PPARGC1B: variants seen among roughly 807,000 people sequenced by gnomAD.
PPARGC1B encodes PPARG coactivator 1 beta.
In PPARGC1B, 34 loss-of-function variants were observed where a neutral mutation model predicts 101.6. The observed-to-expected ratio is 0.33, with a 90% confidence interval of 0.25 to 0.45. The LOEUF (loss-of-function observed/expected upper bound fraction) is 0.45, where lower values mean the gene tolerates loss of function less well. PPARGC1B is among the 20% of genes least tolerant of loss of function. The probability of loss-of-function intolerance (pLI) is 1.00; values close to 1 mark genes in which losing one functional copy is unlikely to be tolerated. For synonymous variants in PPARGC1B, 548 were observed against 539.3 expected, an observed-to-expected ratio of 1.02 and a Z score of -0.22; for missense variants, 1,234 against 1,317.6, an observed-to-expected ratio of 0.94 and a Z score of 0.98.
intron 1 of PPARGC1B, among the ~76,000 whole-genome samples, chr5:149,753,342 G>A (rs1398818103): frequency 6.6e-6 from 1 of 151,982 alleles, no homozygotes; most frequent in Non-Finnish European, 1.5e-5. Flanking sequence ...GAGTAGCTGT[G>A]ATTACAGGCA....
At chr5:149,738,474 G>A (rs751139868) in intron 1 of PPARGC1B, among the ~76,000 whole-genome samples, 8 of 152,192 alleles carry the variant, frequency 5.3e-5, no homozygotes, top group Non-Finnish European at 1.2e-4. Flanking sequence ...GTGTTCCTGA[G>A]AAGGGATGGA....
chr5:149,745,613 C>T (rs148568147), intron 1 of PPARGC1B, among the ~76,000 whole-genome samples: 10 of 152,116 alleles, frequency 6.6e-5, no homozygotes, highest in African/African-American at 9.7e-5. Context: ...GGGAACAGAT[C>T]GAAAGCCTCT....
In PPARGC1B at chr5:149,739,891, AG is replaced by A. The variant is rs1487484802; in HGVS notation, c.78+9473del. 2.6e-5 allele frequency: 4 copies of A among 152,456 alleles called. No individual in the cohort carries two copies. The East Asian group carries it at 7.7e-4, about 29-fold the overall frequency. 9.4% of individuals were successfully genotyped at this position (152,456 alleles called of 1,614,324 possible). ...GCAGCTGGGTTCACAGAGCTCAGAG[AG>A]GAGGGGCCTGGCCTGAGGTCACCCA... On this transcript the variant is annotated intron_variant, in intron 1 of 11. Transcript: ENST00000309241.
chr5:149,775,300 C>T (rs1380367454), intron 1 of PPARGC1B, among the ~76,000 whole-genome samples: 1 of 152,170 alleles, frequency 6.6e-6, no homozygotes, highest in Non-Finnish European at 1.5e-5. Context: ...AGGTTCTTGT[C>T]CCCACTATCA....
At chr5:149,734,638 G>T (rs1365916538) in intron 1 of PPARGC1B, among the ~76,000 whole-genome samples, 2 of 152,040 alleles carry the variant, frequency 1.3e-5, no homozygotes, top group Non-Finnish European at 2.9e-5. Context: ...TAAGTTCCTA[G>T]AAGTGAAATT....
At chr5:149,732,912 T>G (rs987882110) in intron 1 of PPARGC1B, 1 of 421,608 alleles carries the variant, frequency 2.4e-6, no homozygotes, top group African/African-American at 2.1e-5. Flanking sequence ...CCTTCCCCAC[T>G]CTCTGGCTGG....
intron 1 of PPARGC1B, among the ~76,000 whole-genome samples, chr5:149,755,110 T>A (rs1040530255): frequency 6.7e-6 from 1 of 149,532 alleles, no homozygotes. Context: ...GGTTTCATTA[T>A]GTTGGGCAGG....
intron 8 of PPARGC1B, among the ~76,000 whole-genome samples, chr5:149,838,419 GC>G (rs1759198385): frequency 6.6e-6 from 1 of 151,374 alleles, no homozygotes; most frequent in Admixed American, 6.7e-5. Flanking sequence ...ACTTCGCTGA[GC>G]CTCTCTTTCT....
intron 1 of PPARGC1B, among the ~76,000 whole-genome samples, chr5:149,780,730 A>G (rs776755597): frequency 6.6e-6 from 1 of 152,262 alleles, no homozygotes; most frequent in Non-Finnish European, 1.5e-5. Flanking sequence ...CCAAACAGAT[A>G]TGCTCTCAGA....
intron 1 of PPARGC1B, among the ~76,000 whole-genome samples, chr5:149,773,477 G>C (rs1055985439): frequency 6.6e-6 from 1 of 152,238 alleles, no homozygotes; most frequent in East Asian, 1.9e-4. Context: ...GCAAGGCAGC[G>C]TCTACTCTTA....
intron 1 of PPARGC1B, among the ~76,000 whole-genome samples, chr5:149,819,738 A>C (rs1346969843): frequency 1.3e-5 from 2 of 152,246 alleles, no homozygotes; most frequent in Middle Eastern, 3.4e-3. Context: ...CCTGACCTCG[A>C]ATGATCCGCC....
Position 149,832,948 on chromosome 5 carries a change from G to A in PPARGC1B, c.875G>A (p.Arg292His), listed in dbSNP as rs770848943. 93 of 1,613,020 alleles carry A rather than the reference G, an allele frequency of 5.8e-5. 1 individual carries two copies. The highest frequency in any genetic ancestry group is 7.2e-5 in the Non-Finnish European group (85 of 1,180,012). ...ATGCAGGCGATGGTGCAACTCATACGCTACATGCACACCTACTGCCTCCCC... is the reference window on the plus strand; with the variant it reads ...ATGCAGGCGATGGTGCAACTCATACACTACATGCACACCTACTGCCTCCCC... ...EDMQAMVQLI[R>H]YMHTYCLPQR... is the part of the protein sequence containing the mutation. The change falls in exon 5 of 12, where the codon CGC becomes CAC. Residue 292 changes from arginine to histidine, a missense_variant. Physicochemically the swap from Arg to His is conservative, Grantham distance 29. Transcript: ENST00000309241. This position sits in a 1 kb window ranked among gnomAD's most constrained non-coding sequence, Gnocchi z 4.9.
At position 149,730,318 on chromosome 5, in the gene PPARGC1B, C is replaced by A; in HGVS notation, c.-25C>A. Reference sequence around the variant, plus strand: ...CGGGCCGGCTCGGCGTTGACTCCGCCGCACGCTGCAGCCGCGGCTGGAAGA... The same window carrying A: ...CGGGCCGGCTCGGCGTTGACTCCGCAGCACGCTGCAGCCGCGGCTGGAAGA... On this transcript the variant is annotated 5_prime_UTR_variant, in exon 1 of 12. Transcript: ENST00000309241. This position sits in a 1 kb window ranked among gnomAD's most constrained non-coding sequence, Gnocchi z 4.0. The A allele has an allele frequency of 1.3e-6, 2 of 1,532,040 alleles. No homozygotes were observed. Among genetic ancestry groups the A allele is most frequent in the Non-Finnish European group, 1.8e-6 (2 of 1,140,836 alleles). 94.9% of individuals were successfully genotyped at this position (1,532,040 alleles called of 1,614,324 possible).
At chr5:149,829,391 G>A (rs1758653508) in intron 3 of PPARGC1B, among the ~76,000 whole-genome samples, 2 of 152,258 alleles carry the variant, frequency 1.3e-5, no homozygotes, top group South Asian at 4.1e-4. Context: ...GTGGGTGCTG[G>A]TTTGGGGTTT....
chr5:149,822,476 G>C (rs907661316), intron 2 of PPARGC1B, among the ~76,000 whole-genome samples: 1 of 152,246 alleles, frequency 6.6e-6, no homozygotes, highest in African/African-American at 2.4e-5. Flanking sequence ...CTCTGTGCAT[G>C]TGACTGGGGC....
intron 1 of PPARGC1B, among the ~76,000 whole-genome samples, chr5:149,783,331 C>A (rs1039122892): frequency 6.6e-6 from 1 of 152,146 alleles, no homozygotes; most frequent in Non-Finnish European, 1.5e-5. Flanking sequence ...GATCAAGTGA[C>A]CTTAATGATG....
chr5:149,856,735 G>GCTGGGGTT (rs141276029), downstream of PPARGC1B, among the ~76,000 whole-genome samples: 2,091 of 150,594 alleles, frequency 0.014, 36 homozygotes, highest in African/African-American at 0.048. Context: ...ATGCTTACAA[G>GCTGGGGTT]CTGGGGTTCT....
chr5:149,757,144 G>A (rs1369362978), intron 1 of PPARGC1B, among the ~76,000 whole-genome samples: 2 of 152,180 alleles, frequency 1.3e-5, no homozygotes, highest in African/African-American at 4.8e-5. Flanking sequence ...GTGCGGTCCA[G>A]ACGCCTCTCT....
At position 149,845,749 on chromosome 5, in the gene PPARGC1B, C is replaced by G. The variant is rs768783619; in HGVS notation, c.2817-11C>G. On this transcript the variant is annotated splice_polypyrimidine_tract_variant and intron_variant, in intron 10 of 11. Transcript: ENST00000309241. Reference sequence around the variant, plus strand: ...GCCCAATAACATACTCTCCTTGCTCCCTCCCCGCAGAGGCGAGAAGTACGG... The same window carrying G: ...GCCCAATAACATACTCTCCTTGCTCGCTCCCCGCAGAGGCGAGAAGTACGG... The G allele has an allele frequency of 6.3e-7, 1 of 1,597,308 alleles. No individual in the cohort carries two copies. The highest frequency in any genetic ancestry group is 1.1e-5 in the South Asian group (1 of 89,542).
Sources: allele counts gnomAD v4.1 joint callset (sites outside exome capture counted in the v4.1 genomes callset), GRCh38; gene constraint gnomAD v4.1.1; non-coding constraint Gnocchi (gnomAD v3.1); transcripts MANE v1.5; gene names NCBI Gene and HGNC (gene_info 2026-07-23, HGNC 2026-07-21).